Variants in DOCK8 observed in about 807,000 individuals in gnomAD.
DOCK8 encodes dedicator of cytokinesis protein 8.
In DOCK8, 141 loss-of-function variants were observed where a neutral mutation model predicts 245.6. That is an observed-to-expected ratio of 0.57 (90% CI 0.50 to 0.66). The LOEUF (loss-of-function observed/expected upper bound fraction) is 0.66, where lower values mean the gene tolerates loss of function less well. DOCK8 is among the 30% of genes least tolerant of loss of function. The pLI is 0.00. For missense variants in DOCK8, 2,965 were observed against 2,603.4 expected, an observed-to-expected ratio of 1.14 and a Z score of -3.02; for synonymous variants, 1,168 against 970.2, an observed-to-expected ratio of 1.20 and a Z score of -3.79.
chr9:331,139 A>C (rs570875444), intron 9 of DOCK8, among the ~76,000 whole-genome samples: 2 of 152,308 alleles, frequency 1.3e-5, no homozygotes, highest in East Asian at 3.9e-4. Context: ...CCTGACTATG[A>C]GCTTCAGGAG....
At chr9:357,496 TCTGA>T (rs2052500187) in intron 14 of DOCK8, among the ~76,000 whole-genome samples, 1 of 152,256 alleles carries the variant, frequency 6.6e-6, no homozygotes, top group African/African-American at 2.4e-5. Context: ...TCATTTGATT[TCTGA>T]CTTTCAGTGG....
rs769914063 is a variant in DOCK8, at chr9:390,514, G to A, written c.2918G>A (p.Gly973Glu). ...GCCCTTCAGATGGTGGTCAGCACCG[G>A]AATGGTGAGAGAAACAGTCTTCAAG... The part of the protein sequence containing the change: ...ELALQMVVST[G>E]MVRETVFKYA... Residue 973 changes from glycine (G) to glutamate (E), a missense_variant, in exon 24 of 48, where the codon GGA (glycine) becomes GAA (glutamate). This residue lies in a region of DOCK8 where 2,825 missense variants were observed against 2,453.5 expected (regional missense o/e 1.15). Coordinates refer to ENST00000432829, the MANE Select transcript of DOCK8 (RefSeq NM_203447.4). 1 of 1,614,032 alleles carries A rather than the reference G, an allele frequency of 6.2e-7. No individual in the cohort carries two copies. Among genetic ancestry groups the A allele is most frequent in the African/African-American group, 1.3e-5 (1 of 74,934 alleles).
At position 423,238 on chromosome 9, in the gene DOCK8, A is replaced by G. The variant is rs180770491; in HGVS notation, c.4241+1103A>G. On this transcript the variant is annotated intron_variant, in intron 33 of 47. Coordinates refer to ENST00000432829, the MANE Select transcript of DOCK8 (RefSeq NM_203447.4). ...AAAAAACCTGTTTGGATCAAAATCTATGCTATAGATGAATAGATATATTGA... is the reference window on the plus strand; with the variant it reads ...AAAAAACCTGTTTGGATCAAAATCTGTGCTATAGATGAATAGATATATTGA... 1.1e-3 allele frequency among the ~76,000 whole-genome samples: 173 copies of G among 152,326 alleles called. 1 individual carries two copies. The highest frequency in any genetic ancestry group is 2.2e-3 in the Non-Finnish European group (149 of 68,028).
In DOCK8 at chr9:429,716, C is replaced by T. The variant is rs777657006; in HGVS notation, c.4488C>T (p.Leu1496=). ...RALIAKFGDL[L]FEEEVEQCFD... ...GTCTCTCCTAGTTTGGAGACTTACT[C>T]TTTGAAGAGGAGGTGGAACAGTGTT... The change falls in exon 36 of 48, where the codon CTC becomes CTT. Residue 1496 remains leucine, a synonymous_variant. Transcript: ENST00000432829. 3.5e-5 allele frequency: 56 copies of T among 1,614,062 alleles called. No homozygotes were observed. Among genetic ancestry groups the T allele is most frequent in the Non-Finnish European group, 4.6e-5 (54 of 1,180,048 alleles).
rs7020921 is a variant in DOCK8 at position 376,929 on chromosome 9, A to G, written c.2206-48A>G. 0.63 allele frequency: 952,798 copies of G among 1,521,876 alleles called. 304,425 individuals are homozygous for G. Among genetic ancestry groups the G allele is most frequent in the East Asian group, 0.81 (34,787 of 43,004 alleles). 94.3% of individuals were successfully genotyped at this position (1,521,876 alleles called of 1,614,324 possible). A position where few individuals can be genotyped will look rare whatever the true frequency, so the allele number is the denominator to read the frequency against. ...GATTGTGTTTGTGAATCCACTGGTG[A>G]ACATTGATGGTATAAAACCCCATGA... On this transcript the variant is annotated intron_variant, in intron 19 of 47. Coordinates refer to ENST00000432829, the MANE Select transcript of DOCK8 (RefSeq NM_203447.4).
intron 39 of DOCK8, among the ~76,000 whole-genome samples, chr9:438,668 A>AGTTT (rs571237428): frequency 9.1e-4 from 138 of 152,350 alleles, no homozygotes; most frequent in African/African-American, 3.2e-3. Context: ...TAAACGCAAT[A>AGTTT]GTTTATGTAA....
intron 24 of DOCK8, among the ~76,000 whole-genome samples, chr9:395,567 T>TAG (rs1296724806): frequency 8.7e-6 from 1 of 115,516 alleles, no homozygotes; most frequent in Non-Finnish European, 1.9e-5. Context: ...AGTAGTAGTA[T>TAG]TGCAGTGGCT....
chr9:400,794 C>A (rs1586916376), intron 26 of DOCK8, among the ~76,000 whole-genome samples: 7 of 130,590 alleles, frequency 5.4e-5, no homozygotes, highest in Admixed American at 7.6e-5. Flanking sequence ...TCCACCATCA[C>A]CACCACCTCC....
rs59529982 is a variant in DOCK8 at position 216,537 on chromosome 9, C to CAAAAAAAAA, written c.53+1518_53+1526dup. 9.9e-3 allele frequency among the ~76,000 whole-genome samples: 879 copies of CAAAAAAAAA among 88,826 alleles called. 9 individuals carry two copies. The highest frequency in any genetic ancestry group is 0.019 in the African/African-American group (415 of 22,356). The allele number at this position is 88,826 out of a possible 152,430, so 58.3% of individuals were successfully genotyped here. A position where few individuals can be genotyped will look rare whatever the true frequency, so the allele number is the denominator to read the frequency against. ...GTGAAACCTTGTCTCAAAAAACAGA[C>CAAAAAAAAA]AAAAAAAAAAAAAAAAAAGCAAAAA... On this transcript the variant is annotated intron_variant, in intron 1 of 47. Coordinates refer to ENST00000432829, the MANE Select transcript of DOCK8 (RefSeq NM_203447.4).
intron 14 of DOCK8, 23 bp downstream of exon 14, chr9:340,344 G>A: frequency 6.2e-7 from 1 of 1,613,738 alleles, no homozygotes; most frequent in African/African-American, 1.3e-5. Context: ...GGCTCGGGCT[G>A]GGCGTGGTGG....
At chr9:281,309 A>G (rs1290161275) in intron 2 of DOCK8, among the ~76,000 whole-genome samples, 1 of 152,238 alleles carries the variant, frequency 6.6e-6, no homozygotes, top group Non-Finnish European at 1.5e-5. Context: ...ATTACATATA[A>G]CGAATGATAT....
intron 1 of DOCK8, among the ~76,000 whole-genome samples, chr9:228,334 A>G (rs529163849): frequency 1.9e-4 from 29 of 152,310 alleles, no homozygotes; most frequent in African/African-American, 6.3e-4. Context: ...TTTTCTTTGC[A>G]CCAGCATTAA....
intron 9 of DOCK8, among the ~76,000 whole-genome samples, chr9:331,480 T>C (rs897111532): frequency 6.6e-6 from 1 of 152,244 alleles, no homozygotes; most frequent in Non-Finnish European, 1.5e-5. Context: ...TTAAATACTT[T>C]GTGCCTAACT....
intron 26 of DOCK8, 23 bp downstream of exon 26, chr9:399,282 C>T (rs572523969): frequency 7.0e-6 from 10 of 1,435,014 alleles, no homozygotes; most frequent in African/African-American, 3.2e-5. Context: ...CCCACCCCCA[C>T]CCCCGAGCGA....
In DOCK8 at chr9:376,157, T is replaced by C. The variant is rs529502183; in HGVS notation, c.2110-53T>C. On this transcript the variant is annotated intron_variant, in intron 18 of 47. Transcript: ENST00000432829. ...CAAGTTGGTCTGCATTGCTTGTTAGTAATCAGAAAAGGGAATTGGATTGCT... is the reference window on the plus strand; with the variant it reads ...CAAGTTGGTCTGCATTGCTTGTTAGCAATCAGAAAAGGGAATTGGATTGCT... The C allele has an allele frequency of 1.1e-5, 14 of 1,280,328 alleles. No homozygotes were observed. The East Asian group carries it at 2.8e-4, about 25-fold the overall frequency. 79.3% of individuals were successfully genotyped at this position (1,280,328 alleles called of 1,614,324 possible).
intron 1 of DOCK8, among the ~76,000 whole-genome samples, chr9:230,046 C>G (rs926868691): frequency 6.8e-6 from 1 of 146,226 alleles, no homozygotes; most frequent in Non-Finnish European, 1.5e-5. Flanking sequence ...TAATGCTATC[C>G]CTCACCCCTC....
intron 33 of DOCK8, among the ~76,000 whole-genome samples, chr9:424,708 T>A (rs1473459584): frequency 6.6e-6 from 1 of 152,144 alleles, no homozygotes; most frequent in Non-Finnish European, 1.5e-5. Flanking sequence ...CTGCGCCTGG[T>A]CAGATGGTAA....
chr9:368,739 C>CT (rs2053139231), intron 15 of DOCK8: 1 of 151,486 alleles, frequency 6.6e-6, no homozygotes, highest in Non-Finnish European at 1.5e-5. Flanking sequence ...AAACCATCTC[C>CT]TACTAAATGA....
intron 1 of DOCK8, among the ~76,000 whole-genome samples, chr9:222,695 C>T (rs1408819786): frequency 6.6e-6 from 1 of 152,188 alleles, no homozygotes; most frequent in Admixed American, 6.5e-5. Flanking sequence ...GCCTTACATG[C>T]AACCATAAAT....
Sources: allele counts gnomAD v4.1 joint callset (sites outside exome capture counted in the v4.1 genomes callset), GRCh38; gene constraint gnomAD v4.1.1; regional missense constraint gnomAD v4.1.1; transcripts MANE v1.5; gene names NCBI Gene and HGNC (gene_info 2026-07-23, HGNC 2026-07-21).